DST: variants seen among roughly 807,000 people sequenced by gnomAD.
DST encodes bullous pemphigoid antigen.
DST carries 253 observed loss-of-function variants against 875.2 expected under a neutral mutation model. The ratio of observed to expected loss-of-function variants is 0.29; its 90% CI spans 0.26 to 0.32. The LOEUF (loss-of-function observed/expected upper bound fraction) is 0.32. Among genes scored for constraint, DST ranks in the 10% least tolerant of loss-of-function variants. DST has a pLI of 1.00. For synonymous variants in DST, 3,124 were observed against 3,197.1 expected, an observed-to-expected ratio of 0.98 and a Z score of 0.77; for missense variants, 8,287 against 9,111.6, an observed-to-expected ratio of 0.91 and a Z score of 3.68.
chr6:56,539,951 C>A (rs925622822), intron 61 of DST, among the ~76,000 whole-genome samples: 1 of 152,132 alleles, frequency 6.6e-6, no homozygotes, highest in African/African-American at 2.4e-5. Context: ...AGTGTCTTTA[C>A]CACAATTTGT....
intron 4 of DST, chr6:56,843,715 AG>A: frequency 8.1e-6 from 1 of 123,934 alleles, no homozygotes; most frequent in South Asian, 3.1e-4. Context: ...AGGAGGGTGG[AG>A]GGTGGAGGGT....
intron 47 of DST, among the ~76,000 whole-genome samples, chr6:56,595,785 A>G (rs72879282): frequency 6.9e-6 from 1 of 144,120 alleles, no homozygotes; most frequent in African/African-American, 2.9e-5. Flanking sequence ...TGCTACCCCC[A>G]CCCCACCCCG....
chr6:56,604,315 C>T lies in DST; in HGVS notation c.10313G>A (p.Gly3438Glu). Reference sequence around the variant, plus strand: ...AAGGAGAAGCTCAGACTTAAGATTTCCAATACAGAAAGGATCATCTCTACT... The same window carrying T: ...AAGGAGAAGCTCAGACTTAAGATTTTCAATACAGAAAGGATCATCTCTACT... ...PESRDDPFCI[G>E]NLKSELLLNI... is the part of the protein sequence containing the mutation. Residue 3438 changes from glycine (G) to glutamate (E), a missense_variant, in exon 40 of 104, where the codon GGA (glycine) becomes GAA (glutamate). Physicochemically the swap from Gly to Glu is moderately conservative, Grantham distance 98. Transcript: ENST00000680361. 1 of 1,612,356 alleles carries T rather than the reference C, an allele frequency of 6.2e-7. No individual in the cohort carries two copies. Among genetic ancestry groups the T allele is most frequent in the South Asian group, 1.1e-5 (1 of 90,990 alleles).
chr6:56,497,097 T>C (rs1480936125), intron 82 of DST, among the ~76,000 whole-genome samples: 1 of 152,008 alleles, frequency 6.6e-6, no homozygotes, highest in African/African-American at 2.4e-5. Context: ...GACACCAGCA[T>C]GGCACATGTA....
chr6:56,634,020 A>G, intron 27 of DST, 112 bp downstream of exon 27: 1 of 1,241,034 alleles, frequency 8.1e-7, no homozygotes, highest in Non-Finnish European at 1.2e-6. Flanking sequence ...GAATATTAGC[A>G]TGGATTTGCC....
At chr6:56,523,318 C>T (rs1388903338) in intron 69 of DST, among the ~76,000 whole-genome samples, 2 of 151,980 alleles carry the variant, frequency 1.3e-5, no homozygotes, top group Non-Finnish European at 2.9e-5. Flanking sequence ...AGTTCAATAG[C>T]GTATCTTTTC....
At chr6:56,561,906 C>G (rs910866842) in intron 56 of DST, among the ~76,000 whole-genome samples, 38 of 151,814 alleles carry the variant, frequency 2.5e-4, no homozygotes, top group Non-Finnish European at 4.1e-4. Flanking sequence ...AAAAAGAAAG[C>G]AACAAAACCA....
intron 5 of DST, among the ~76,000 whole-genome samples, chr6:56,717,107 C>A (rs949990165): frequency 2.0e-5 from 3 of 151,982 alleles, no homozygotes; most frequent in African/African-American, 7.2e-5. Context: ...GGCGTGAACC[C>A]GGTAGGCAGA....
chr6:56,860,882 A>G (rs1770787082), intron 3 of DST, among the ~76,000 whole-genome samples: 1 of 152,142 alleles, frequency 6.6e-6, no homozygotes, highest in South Asian at 2.1e-4. Context: ...CTCCTTTGAG[A>G]TGTCCCTGTA....
At chr6:56,511,054 T>G (rs2096465173) in intron 73 of DST, 143 bp downstream of exon 73, 17 of 700,934 alleles carry the variant, frequency 2.4e-5, no homozygotes, top group Non-Finnish European at 3.3e-5. Flanking sequence ...AAACATCACC[T>G]CTGAGGGACA....
chr6:56,829,853 G>C (rs1264574613), intron 4 of DST, among the ~76,000 whole-genome samples: 1 of 152,042 alleles, frequency 6.6e-6, no homozygotes, highest in South Asian at 2.1e-4. Context: ...AAAGAACCTT[G>C]GCAATCATTC....
In DST at chr6:56,602,979, G is replaced by C. The variant is rs1363675987; in HGVS notation, c.11210C>G (p.Ser3737Ter). The change falls in exon 43 of 104, where the codon TCA becomes TGA. Residue 3737 changes from serine (S) to a stop codon, truncating the protein, a stop_gained. Coordinates refer to ENST00000680361, the MANE Select transcript of DST (RefSeq NM_001374736.1). LOFTEE classifies it high-confidence loss of function. The stretch of plus-strand genomic sequence containing the variant: ...TTTGCTCTTCTCTGATACCCAATCT[G>C]AGAATGACTTAAGTTTATGCAGAAA... ...EEFLHKLKSF[S>*]DWVSEKSKSV... The C allele has an allele frequency of 6.3e-7, 1 of 1,594,458 alleles. No homozygotes were observed. The highest frequency in any genetic ancestry group is 1.4e-5 in the African/African-American group (1 of 73,730).
At position 56,535,164 on chromosome 6, in the gene DST, C is replaced by A. The variant is rs369986184; in HGVS notation, c.16899G>T (p.Ser5633=). 9 of 1,613,792 alleles carry A rather than the reference C, an allele frequency of 5.6e-6. No individual in the cohort carries two copies. Among genetic ancestry groups the A allele is most frequent in the Non-Finnish European group, 6.8e-6 (8 of 1,179,820 alleles). ...GGGCCTTTACCACTTTGAACTCAGC[C>A]GACGGGGGCTTCTGATTGGCCACAA... ...EELVANQKPP[S]AEFKVVKAQI... Residue 5633 remains serine, a synonymous_variant, in exon 63 of 104, where the codon TCG becomes TCT. Coordinates refer to ENST00000680361, the MANE Select transcript of DST (RefSeq NM_001374736.1).
intron 60 of DST, 23 bp from the exon 61 acceptor site, chr6:56,553,678 T>A: frequency 6.3e-7 from 1 of 1,589,058 alleles, no homozygotes; most frequent in East Asian, 2.2e-5. Flanking sequence ...TTACAAGATA[T>A]GTTTATTTTA....
At position 56,650,919 on chromosome 6, in the gene DST, T is replaced by C. The variant is rs1563461677; in HGVS notation, c.1434+7A>G. ...ACAGCTTCCGGTGTGGAAAAATCAA[T>C]ACTCACATTTGCACCAATGCCTTCC... On this transcript the variant is annotated splice_region_variant and intron_variant, in intron 12 of 103. Coordinates refer to ENST00000680361, the MANE Select transcript of DST (RefSeq NM_001374736.1). The C allele has an allele frequency of 6.4e-7, 1 of 1,571,230 alleles. No individual in the cohort carries two copies. Among genetic ancestry groups the C allele is most frequent in the Non-Finnish European group, 8.7e-7 (1 of 1,144,716 alleles).
At chr6:56,644,497 A>G (rs1315830604) in intron 15 of DST, among the ~76,000 whole-genome samples, 1 of 152,218 alleles carries the variant, frequency 6.6e-6, no homozygotes, top group African/African-American at 2.4e-5. Context: ...AAGCACTGGC[A>G]ACGCAAGGGA....
chr6:56,864,324 A>G (rs1270899888), intron 3 of DST, among the ~76,000 whole-genome samples: 1 of 152,048 alleles, frequency 6.6e-6, no homozygotes, highest in African/African-American at 2.4e-5. Context: ...AAATAAATAA[A>G]TCTCTGTGTG....
chr6:56,485,360 A>G lies in DST; in HGVS notation c.21159T>C (p.Pro7053=). Residue 7053 remains proline, a synonymous_variant, in exon 88 of 104, where the codon CCT becomes CCC. Coordinates refer to ENST00000680361, the MANE Select transcript of DST (RefSeq NM_001374736.1). Reference sequence around the variant, plus strand: ...TCACCAAATCAATGTCTCCATGAACAGGCTGGTCTTCTGCCAGCTGGGGTT... The same window carrying G: ...TCACCAAATCAATGTCTCCATGAACGGGCTGGTCTTCTGCCAGCTGGGGTT... ...RVEPQLAEDQ[P]VHGDIDLVMN... is the part of the protein sequence containing the mutation. The G allele has an allele frequency of 6.2e-7, 1 of 1,613,866 alleles. No individual in the cohort carries two copies. Among genetic ancestry groups the G allele is most frequent in the Non-Finnish European group, 8.5e-7 (1 of 1,179,810 alleles).
chr6:56,803,430 C>T (rs950935098), intron 4 of DST, among the ~76,000 whole-genome samples: 1 of 151,960 alleles, frequency 6.6e-6, no homozygotes, highest in Non-Finnish European at 1.5e-5. Flanking sequence ...GTTAAGGAGA[C>T]TGCAAAATAT....
Sources: gnomAD v4.1 joint callset for allele counts (sites outside exome capture counted in the v4.1 genomes callset) on GRCh38, gnomAD v4.1.1 for gene constraint, MANE v1.5 for transcripts, NCBI Gene and HGNC (gene_info 2026-07-23, HGNC 2026-07-21) for gene names.